FBXW7: variants seen among roughly 807,000 people sequenced by gnomAD.
The protein encoded by FBXW7 is F-box/WD repeat-containing protein 7.
In FBXW7, 11 loss-of-function variants were observed where a neutral mutation model predicts 86.3. The ratio of observed to expected loss-of-function variants is 0.13; its 90% CI spans 0.08 to 0.21. The LOEUF is 0.21. Ranked by LOEUF, FBXW7 falls within the 10% of genes least tolerant of loss-of-function variation. The pLI is 1.00. For synonymous variants in FBXW7, 313 were observed against 297.9 expected, an observed-to-expected ratio of 1.05 and a Z score of -0.52; for missense variants, 488 against 847.4, an observed-to-expected ratio of 0.58 and a Z score of 5.27.
intron 2 of FBXW7, among the ~76,000 whole-genome samples, chr4:152,525,351 G>A (rs1464953220): frequency 6.6e-6 from 1 of 151,886 alleles, no homozygotes; most frequent in Non-Finnish European, 1.5e-5. Context: ...TACATGTAAA[G>A]GTTTCATAGG....
intron 2 of FBXW7, among the ~76,000 whole-genome samples, chr4:152,507,566 G>A (rs1280553559): frequency 6.6e-6 from 1 of 152,180 alleles, no homozygotes; most frequent in Non-Finnish European, 1.5e-5. Context: ...AATGTGTCCA[G>A]ATCATCTAAC....
At chr4:152,394,778 A>G (rs1736275866) in intron 4 of FBXW7, among the ~76,000 whole-genome samples, 1 of 152,012 alleles carries the variant, frequency 6.6e-6, no homozygotes, top group Non-Finnish European at 1.5e-5. Flanking sequence ...GAATCCTCTC[A>G]ATAACACTAT....
intron 2 of FBXW7, among the ~76,000 whole-genome samples, chr4:152,508,849 G>C (rs1747696237): frequency 6.6e-6 from 1 of 151,640 alleles, no homozygotes; most frequent in African/African-American, 2.4e-5. Flanking sequence ...CAACTAGAGT[G>C]GACAAACCTG....
intron 2 of FBXW7, among the ~76,000 whole-genome samples, chr4:152,519,848 G>T (rs17277050): frequency 0.026 from 3,936 of 152,296 alleles, 74 homozygotes; most frequent in Non-Finnish European, 0.035. Context: ...GAGTATGACA[G>T]ATCTAGATTT....
chr4:152,513,665 C>T (rs184161175), intron 2 of FBXW7, among the ~76,000 whole-genome samples: 111 of 152,202 alleles, frequency 7.3e-4, no homozygotes, highest in African/African-American at 2.6e-3. Flanking sequence ...TGTCTTTTAC[C>T]CAGACTTTTC....
intron 2 of FBXW7, among the ~76,000 whole-genome samples, chr4:152,483,497 G>C (rs1745074186): frequency 6.6e-6 from 1 of 151,868 alleles, no homozygotes; most frequent in South Asian, 2.1e-4. Flanking sequence ...GAGCCCAGGA[G>C]TCCAAGACCA....
chr4:152,325,655 C>G (rs919384671), intron 12 of FBXW7: 1 of 213,794 alleles, frequency 4.7e-6, no homozygotes, highest in Non-Finnish European at 9.5e-6. Flanking sequence ...AAAGGGGCAG[C>G]TTTTGGCCAT....
intron 9 of FBXW7, 101 bp from the exon 10 acceptor site, chr4:152,329,886 G>A: frequency 1.9e-6 from 1 of 526,236 alleles, no homozygotes; most frequent in East Asian, 3.4e-5. Flanking sequence ...ACAGTAATTT[G>A]TAGTCTATCT....
At chr4:152,465,644 G>C (rs949454394) in intron 2 of FBXW7, among the ~76,000 whole-genome samples, 14 of 151,954 alleles carry the variant, frequency 9.2e-5, no homozygotes, top group Non-Finnish European at 1.5e-5. Flanking sequence ...AGGAGTTAGA[G>C]ACCAGCCTGT....
chr4:152,475,038 G>A (rs534687277), intron 2 of FBXW7, among the ~76,000 whole-genome samples: 201 of 151,922 alleles, frequency 1.3e-3, no homozygotes, highest in Non-Finnish European at 2.3e-3. Context: ...GGAAGCAGAG[G>A]TTGAGTGAGC....
intron 2 of FBXW7, among the ~76,000 whole-genome samples, chr4:152,493,211 C>G (rs886716979): frequency 1.3e-5 from 2 of 151,886 alleles, no homozygotes. Flanking sequence ...GTTGCCCAGG[C>G]TGGAGTGCAG....
chr4:152,528,812 A>G (rs1749757767), intron 2 of FBXW7, among the ~76,000 whole-genome samples: 1 of 152,228 alleles, frequency 6.6e-6, no homozygotes, highest in Non-Finnish European at 1.5e-5. Flanking sequence ...ATTAAGACAT[A>G]AAACAGGATA....
At chr4:152,351,016 A>C (rs1213887838) in intron 4 of FBXW7, among the ~76,000 whole-genome samples, 1 of 152,004 alleles carries the variant, frequency 6.6e-6, no homozygotes, top group Non-Finnish European at 1.5e-5. Context: ...AAATCTGGTA[A>C]GATTTGACTT....
chr4:152,441,353 C>T (rs1473568847), intron 2 of FBXW7, among the ~76,000 whole-genome samples: 1 of 152,134 alleles, frequency 6.6e-6, no homozygotes, highest in African/African-American at 2.4e-5. Flanking sequence ...CAGAAATTTG[C>T]TCCATTAGTC....
intron 2 of FBXW7, among the ~76,000 whole-genome samples, chr4:152,440,981 T>C (rs183300290): frequency 2.1e-4 from 32 of 152,246 alleles, no homozygotes; most frequent in East Asian, 1.9e-3. Context: ...CTCTTCTATG[T>C]AGAAATTTTA....
At chr4:152,361,896 G>A (rs1278685005) in intron 4 of FBXW7, among the ~76,000 whole-genome samples, 3 of 150,540 alleles carry the variant, frequency 2.0e-5, no homozygotes, top group Admixed American at 1.3e-4. Flanking sequence ...AACTCGGGAG[G>A]TGGAGGGTGC....
At chr4:152,389,580 T>A (rs947371717) in intron 4 of FBXW7, among the ~76,000 whole-genome samples, 1 of 151,964 alleles carries the variant, frequency 6.6e-6, no homozygotes, top group Non-Finnish European at 1.5e-5. Flanking sequence ...ATGGAGTGTG[T>A]AGTAATAGAT....
At chr4:152,489,721 A>G (rs1579336165) in intron 2 of FBXW7, among the ~76,000 whole-genome samples, 1 of 152,062 alleles carries the variant, frequency 6.6e-6, no homozygotes, top group Admixed American at 6.6e-5. Context: ...AGCCCACTGT[A>G]ATCCTTACTG....
At chr4:152,468,500 A>G (rs758405657) in intron 2 of FBXW7, among the ~76,000 whole-genome samples, 5 of 152,188 alleles carry the variant, frequency 3.3e-5, no homozygotes, top group African/African-American at 4.8e-5. Context: ...GCCAGACACA[A>G]AAGGACAAAT....
Sources: allele counts gnomAD v4.1 joint callset (sites outside exome capture counted in the v4.1 genomes callset), GRCh38; gene constraint gnomAD v4.1.1; transcripts MANE v1.5; gene names NCBI Gene and HGNC (gene_info 2026-07-23, HGNC 2026-07-21).